The following TRHDE variants were observed in gnomAD, a reference collection of about 807,000 sequenced individuals.
TRHDE encodes thyrotropin-releasing hormone-degrading ectoenzyme.
TRHDE carries 72 observed loss-of-function variants against 125.7 expected under a neutral mutation model. That is an observed-to-expected ratio of 0.57 (90% confidence interval 0.47 to 0.70). TRHDE has a LOEUF of 0.70. Ranked by LOEUF, TRHDE falls within the 30% of genes least tolerant of loss-of-function variation. TRHDE has a pLI of 0.00. For missense variants in TRHDE, 1,110 were observed against 1,327.1 expected (o/e 0.84, Z 2.54); for synonymous variants, 509 against 509.1 (o/e 1.00, Z 0.00).
At chr12:72,196,745 T>G (rs1268536206) in intron 2 of TRHDE, among the ~76,000 whole-genome samples, 1 of 152,102 alleles carries the variant, frequency 6.6e-6, no homozygotes, top group East Asian at 1.9e-4. Flanking sequence ...TGATATGCCA[T>G]CTCCTCTTAC....
At chr12:72,258,673 T>C (rs1799609419) in intron 2 of TRHDE, among the ~76,000 whole-genome samples, 1 of 152,200 alleles carries the variant, frequency 6.6e-6, no homozygotes, top group South Asian at 2.1e-4. Flanking sequence ...CATGTCTTTA[T>C]AGTAAAAAGG....
intron 2 of TRHDE, among the ~76,000 whole-genome samples, chr12:72,225,292 A>G (rs547740519): frequency 2.6e-5 from 4 of 152,328 alleles, no homozygotes; most frequent in Non-Finnish European, 4.4e-5. Flanking sequence ...TGAATGTGCA[A>G]CATTAGCCTC....
intron 2 of TRHDE, among the ~76,000 whole-genome samples, chr12:72,184,032 C>T (rs905328238): frequency 6.6e-6 from 1 of 152,090 alleles, no homozygotes; most frequent in Non-Finnish European, 1.5e-5. Context: ...GTTTAGGAAC[C>T]ACCCAAGGGT....
intron 2 of TRHDE, among the ~76,000 whole-genome samples, chr12:72,347,241 G>A (rs1870365153): frequency 6.6e-6 from 1 of 152,092 alleles, no homozygotes; most frequent in African/African-American, 2.4e-5. Context: ...TGAGAAGCAA[G>A]AAGACAAGTC....
At chr12:72,362,490 A>C (rs1421064631) in intron 2 of TRHDE, among the ~76,000 whole-genome samples, 1 of 151,958 alleles carries the variant, frequency 6.6e-6, no homozygotes, top group Non-Finnish European at 1.5e-5. Context: ...TAGGTTGCGA[A>C]ATTTTTCTCC....
Position 72,663,816 on chromosome 12 carries a change from C to A in TRHDE, c.*621C>A, listed in dbSNP as rs2136119127. On this transcript the variant is annotated 3_prime_UTR_variant, in exon 19 of 19. Coordinates refer to ENST00000261180, the MANE Select transcript of TRHDE (RefSeq NM_013381.3). ...GATTACTGTGTTGCTAACTCATTTT[C>A]TTTGAGTTAAAGCTGTGTATACATT... is the stretch of plus-strand genomic sequence containing the variant. 6.6e-6 allele frequency: 1 copy of A among 152,192 alleles called. No homozygotes were observed. The highest frequency in any genetic ancestry group is 2.4e-5 in the African/African-American group (1 of 41,524). The allele number at this position is 152,192 out of a possible 1,614,324, so 9.4% of individuals were successfully genotyped here. A position where few individuals can be genotyped will look rare whatever the true frequency, so the allele number is the denominator to read the frequency against.
At chr12:72,311,283 A>T (rs909831388) in intron 2 of TRHDE, among the ~76,000 whole-genome samples, 24 of 152,092 alleles carry the variant, frequency 1.6e-4, no homozygotes, top group Non-Finnish European at 2.8e-4. Flanking sequence ...CAGGTTCTGG[A>T]AACCTGTTAT....
intron 1 of TRHDE, among the ~76,000 whole-genome samples, chr12:72,094,289 A>G (rs1018524360): frequency 3.9e-5 from 6 of 152,126 alleles, no homozygotes; most frequent in African/African-American, 1.4e-4. Context: ...CTGGCCAAGC[A>G]GGACTGGCCC....
At chr12:72,153,890 G>A (rs1876433143) in intron 2 of TRHDE, among the ~76,000 whole-genome samples, 1 of 152,168 alleles carries the variant, frequency 6.6e-6, no homozygotes, top group Admixed American at 6.5e-5. Context: ...GGGGTGGAGA[G>A]TTCTGTAGAT....
chr12:72,162,494 C>T (rs1184965402), intron 2 of TRHDE, among the ~76,000 whole-genome samples: 1 of 152,170 alleles, frequency 6.6e-6, no homozygotes, highest in Non-Finnish European at 1.5e-5. Context: ...TATCTTCCTG[C>T]ATTGGCGATG....
intron 15 of TRHDE, among the ~76,000 whole-genome samples, chr12:72,638,190 G>C (rs1236038597): frequency 1.4e-5 from 2 of 147,936 alleles, no homozygotes; most frequent in Non-Finnish European, 3.0e-5. Flanking sequence ...GGGTGCTCCT[G>C]TATTGGGTGC....
intron 6 of TRHDE, among the ~76,000 whole-genome samples, chr12:72,527,586 T>TA (rs1280881181): frequency 0.042 from 5,682 of 135,598 alleles, 121 homozygotes; most frequent in East Asian, 0.08. Context: ...TAAGAGGAGT[T>TA]AAAAAAAAAA....
intron 5 of TRHDE, among the ~76,000 whole-genome samples, chr12:72,490,109 C>T (rs1237411770): frequency 6.6e-6 from 1 of 151,324 alleles, no homozygotes; most frequent in African/African-American, 2.4e-5. Flanking sequence ...GTATTGATGT[C>T]CAAAAGATAT....
At chr12:72,116,438 T>A (rs1023808332) in intron 2 of TRHDE, among the ~76,000 whole-genome samples, 12 of 152,228 alleles carry the variant, frequency 7.9e-5, no homozygotes, top group Non-Finnish European at 1.3e-4. Context: ...ATCACCACAC[T>A]GCCTTTCACA....
chr12:72,123,421 AAAG>A (rs1425031226), intron 2 of TRHDE, among the ~76,000 whole-genome samples: 1 of 152,116 alleles, frequency 6.6e-6, no homozygotes, highest in Non-Finnish European at 1.5e-5. Flanking sequence ...AGAGAAGTAG[AAAG>A]AAGAATATTA....
At chr12:72,181,677 A>G (rs1179552754) in intron 2 of TRHDE, among the ~76,000 whole-genome samples, 1 of 152,234 alleles carries the variant, frequency 6.6e-6, no homozygotes, top group East Asian at 1.9e-4. Context: ...CATGATTTTC[A>G]TTGACTGGAG....
intron 2 of TRHDE, among the ~76,000 whole-genome samples, chr12:72,338,546 C>T (rs993984710): frequency 6.6e-6 from 1 of 152,158 alleles, no homozygotes; most frequent in Non-Finnish European, 1.5e-5. Context: ...TTTTATCTGA[C>T]ATCCACTCAT....
chr12:72,148,234 G>A (rs182653059), intron 2 of TRHDE, among the ~76,000 whole-genome samples: 8 of 152,172 alleles, frequency 5.3e-5, no homozygotes, highest in Non-Finnish European at 7.3e-5. Flanking sequence ...TTGCATGAAG[G>A]TGAGACCCTC....
At chr12:72,439,635 A>G (rs1420209744) in intron 3 of TRHDE, among the ~76,000 whole-genome samples, 1 of 151,824 alleles carries the variant, frequency 6.6e-6, no homozygotes, top group African/African-American at 2.4e-5. Context: ...TAGTTTTAAC[A>G]GTGCTTCAGT....
Sources: allele counts gnomAD v4.1 joint callset (sites outside exome capture counted in the v4.1 genomes callset), GRCh38; gene constraint gnomAD v4.1.1; transcripts MANE v1.5; gene names NCBI Gene and HGNC (gene_info 2026-07-23, HGNC 2026-07-21).